HARS2: variants seen among roughly 807,000 people sequenced by gnomAD.
The protein encoded by HARS2 is histidyl-tRNA synthetase 2, mitochondrial.
HARS2 carries 40 observed loss-of-function variants against 62.4 expected under a neutral mutation model. The ratio of observed to expected loss-of-function variants is 0.64; its 90% CI spans 0.50 to 0.83. HARS2 has a LOEUF of 0.83. Ranked by LOEUF, HARS2 falls within the 40% of genes least tolerant of loss-of-function variation. The pLI is 0.00. For missense variants in HARS2, 569 were observed against 626.4 expected (o/e 0.91, Z 0.98); for synonymous variants, 228 against 227.0 (o/e 1.00, Z -0.04).
intron 1 of HARS2, chr5:140,692,247 A>G (rs565171131): frequency 4.5e-5 from 8 of 178,030 alleles, no homozygotes; most frequent in Non-Finnish European, 7.3e-5. Flanking sequence ...GTGTACTTGA[A>G]CTTGGACTTC....
intron 2 of HARS2, 64 bp downstream of exon 2, chr5:140,693,729 GTC>G: frequency 7.4e-7 from 1 of 1,352,508 alleles, no homozygotes; most frequent in Non-Finnish European, 1.1e-6. Flanking sequence ...TGCCTTGCAT[GTC>G]TCTCTGACCC....
At position 140,696,828 on chromosome 5, in the gene HARS2, C is replaced by CT. The variant is rs373912206; in HGVS notation, c.827-93dup. 92,512 of 638,848 alleles carry CT rather than the reference C, an allele frequency of 0.14. 3,151 individuals are homozygous for CT. Among genetic ancestry groups the CT allele is most frequent in the African/African-American group, 0.21 (9,160 of 42,840 alleles). 39.6% of individuals were successfully genotyped at this position (638,848 alleles called of 1,614,324 possible). ...GGGTCTTGTCATGTGAGACTGGGAT[C>CT]TTTTTTTTTTTTTTTTTTTTTTAAA... On this transcript the variant is annotated intron_variant, in intron 8 of 12. Transcript: ENST00000230771.
At position 140,693,238 on chromosome 5, in the gene HARS2, C is replaced by T. The variant is rs1054002674; in HGVS notation, c.109-353C>T. Among the ~76,000 whole-genome samples, 3 of 150,376 alleles carry T rather than the reference C, an allele frequency of 2.0e-5. No homozygotes were observed. In the Admixed American group the frequency reaches 2.0e-4, roughly 10 times the overall value. ...GTCCCAGCTACTCGGGAGGCTAAGG[C>T]AGGAGAATTGCTTGAACCAGGAGGC... On this transcript the variant is annotated intron_variant, in intron 1 of 12. Transcript: ENST00000230771.
chr5:140,695,515 T>A lies in HARS2; in HGVS notation c.407T>A (p.Phe136Tyr). Residue 136 changes from phenylalanine to tyrosine, a missense_variant, in exon 5 of 13, where the codon TTT becomes TAT. Phe to Tyr is a conservative substitution (Grantham distance 22). Transcript: ENST00000230771. ...LSLRYDLTVP[F>Y]ARYLAMNKVK... ...TTAACCCATTTATGTGAGGTTCCCT[T>A]TGCTCGTTATCTGGCCATGAATAAG... 1.2e-6 allele frequency: 2 copies of A among 1,614,148 alleles called. No homozygotes were observed. The highest frequency in any genetic ancestry group is 1.7e-6 in the Non-Finnish European group (2 of 1,179,994).
At chr5:140,696,344 G>T (rs1759740639) in intron 7 of HARS2, 143 bp downstream of exon 7, 2 of 801,940 alleles carry the variant, frequency 2.5e-6, no homozygotes, top group Non-Finnish European at 4.4e-6. Context: ...TCTGAAGGAA[G>T]ATCTGAGTCA....
intron 4 of HARS2, among the ~76,000 whole-genome samples, chr5:140,694,595 G>A (rs370593920): frequency 2.3e-4 from 35 of 152,156 alleles, no homozygotes; most frequent in East Asian, 5.8e-4. Context: ...GGCCAGACAC[G>A]TGGCTCACGC....
intron 12 of HARS2, 32 bp from the exon 13 acceptor site, chr5:140,698,461 G>C (rs1305485531): frequency 7.2e-6 from 11 of 1,530,350 alleles, no homozygotes; most frequent in Non-Finnish European, 9.1e-6. Context: ...TCACTTTCTA[G>C]TTTATCACAT....
rs536410329 is a variant in HARS2, at chr5:140,693,169, T to C, written c.109-422T>C. Among the ~76,000 whole-genome samples, 128 of 151,576 alleles carry C rather than the reference T, an allele frequency of 8.4e-4. 2 individuals carry two copies. The South Asian group carries it at 0.026, about 31-fold the overall frequency. On this transcript the variant is annotated intron_variant, in intron 1 of 12. Transcript: ENST00000230771. ...CAACATGGTGAAACCCCATCTCTAC[T>C]AAAAATACAAAAATTAGCTGGGCGT...
Position 140,695,513 on chromosome 5 carries a change from C to G in HARS2, c.405C>G (p.Pro135=). The G allele has an allele frequency of 6.2e-7, 1 of 1,614,076 alleles. No homozygotes were observed. Among genetic ancestry groups the G allele is most frequent in the South Asian group, 1.1e-5 (1 of 91,056 alleles). ...LLSLRYDLTV[P]FARYLAMNKV... ...CCTTAACCCATTTATGTGAGGTTCC[C>G]TTTGCTCGTTATCTGGCCATGAATA... is the stretch of plus-strand genomic sequence containing the variant. The change falls in exon 5 of 13, where the codon CCC becomes CCG. Residue 135 remains proline (P), a synonymous_variant. Coordinates refer to ENST00000230771, the MANE Select transcript of HARS2 (RefSeq NM_012208.4).
intron 9 of HARS2, 44 bp downstream of exon 9, chr5:140,697,114 C>T (rs549991192): frequency 6.2e-7 from 1 of 1,614,152 alleles, no homozygotes; most frequent in Admixed American, 1.7e-5. Context: ...CTCTAGGGCT[C>T]TCAGGGTCCC....
chr5:140,693,168 C>T lies in HARS2; in HGVS notation c.109-423C>T, dbSNP rs574742080. ...CCAACATGGTGAAACCCCATCTCTA[C>T]TAAAAATACAAAAATTAGCTGGGCG... is the stretch of plus-strand genomic sequence containing the variant. On this transcript the variant is annotated intron_variant, in intron 1 of 12. Transcript: ENST00000230771. Among the ~76,000 whole-genome samples the T allele has an allele frequency of 2.2e-3, 328 of 151,690 alleles. 1 individual carries two copies. Among genetic ancestry groups the T allele is most frequent in the Non-Finnish European group, 4.3e-3 (293 of 67,936 alleles).
Position 140,697,031 on chromosome 5 carries a change from GCT to G in HARS2, c.916_917del (p.Leu306IlefsTer2). Reference protein sequence around the residue: ...ALEGLGDLKLLFEYLTLFGIA... With the variant: ...ALEGLGDLKLXFEYLTLFGIA... ...TGGAGGGCCTGGGAGACCTAAAGCT[GCT>G]ATTTGAATACCTGACTTTATTTGGA... is the stretch of plus-strand genomic sequence containing the variant. On this transcript the variant is annotated frameshift_variant, in exon 9 of 13. Transcript: ENST00000230771. LOFTEE classifies it high-confidence loss of function. 6.2e-7 allele frequency: 1 copy of G among 1,614,120 alleles called. No homozygotes were observed. Among genetic ancestry groups the G allele is most frequent in the South Asian group, 1.1e-5 (1 of 91,072 alleles).
Position 140,699,004 on chromosome 5 carries a change from C to T in HARS2, c.*452C>T, listed in dbSNP as rs1759878371. 7.4e-6 allele frequency: 2 copies of T among 271,584 alleles called. No individual in the cohort carries two copies. Among genetic ancestry groups the T allele is most frequent in the South Asian group, 8.2e-5 (2 of 24,300 alleles). 16.8% of individuals were successfully genotyped at this position (271,584 alleles called of 1,614,324 possible). ...GCCTGTCTGGGGAGTTTTTGGAAGA[C>T]AGCAAAGAGGGGCAATGGCTGCTTT... On this transcript the variant is annotated 3_prime_UTR_variant, in exon 13 of 13. Transcript: ENST00000230771.
chr5:140,698,385 G>C (rs1292758198), intron 12 of HARS2, 108 bp from the exon 13 acceptor site: 1 of 896,176 alleles, frequency 1.1e-6, no homozygotes, highest in African/African-American at 1.6e-5. Context: ...CTTTCTGGTT[G>C]TATAAGTAAT....
intron 8 of HARS2, 107 bp from the exon 9 acceptor site, chr5:140,696,828 CTTTTTTTT>C (rs373912206): frequency 4.6e-6 from 3 of 656,006 alleles, no homozygotes; most frequent in South Asian, 3.5e-5. Flanking sequence ...AGACTGGGAT[CTTTTTTTT>C]TTTTTTTTTT....
Position 140,696,141 on chromosome 5 carries a change from C to G in HARS2, c.672C>G (p.Val224=), listed in dbSNP as rs781342919. Residue 224 remains valine (V), a synonymous_variant, in exon 7 of 13, where the codon GTC becomes GTG. Transcript: ENST00000230771. ...DRRIVDGMFA[V]CGVPESKFRA... ...GGATTGTGGATGGGATGTTTGCTGT[C>G]TGTGGTGTTCCTGAAAGCAAGTTCC... 53 of 1,613,856 alleles carry G rather than the reference C, an allele frequency of 3.3e-5. No individual in the cohort carries two copies. Among genetic ancestry groups the G allele is most frequent in the Non-Finnish European group, 4.3e-5 (51 of 1,179,960 alleles).
chr5:140,696,660 TG>T, intron 8 of HARS2, 46 bp downstream of exon 8: 1 of 1,271,968 alleles, frequency 7.9e-7, no homozygotes, highest in Non-Finnish European at 1.2e-6. Context: ...AGGCTGAAGG[TG>T]ACATGTGCTC....
chr5:140,696,243 T>C, intron 7 of HARS2, 42 bp downstream of exon 7: 1 of 1,339,920 alleles, frequency 7.5e-7, no homozygotes, highest in Non-Finnish European at 1.1e-6. Flanking sequence ...ATCTAGCTTC[T>C]GCCCTGCCCT....
Position 140,697,324 on chromosome 5 carries a change from A to G in HARS2, c.1115A>G (p.Asp372Gly), listed in dbSNP as rs771116996. 3 of 1,613,828 alleles carry G rather than the reference A, an allele frequency of 1.9e-6. No homozygotes were observed. In the South Asian group the frequency reaches 3.3e-5, roughly 18 times the overall value. The change falls in exon 10 of 13, where the codon GAC becomes GGC. Residue 372 changes from aspartate to glycine, a missense_variant. Physicochemically the swap from Asp to Gly is moderately conservative, Grantham distance 94. Transcript: ENST00000230771. ...TATGATGGGCTGGTGGGCATGTTTG[A>G]CCCCAAGGGCCACAAGGTGCCATGT... is the stretch of plus-strand genomic sequence containing the variant. ...GRYDGLVGMF[D>G]PKGHKVPCVG...
Sources: gnomAD v4.1 joint callset for allele counts (sites outside exome capture counted in the v4.1 genomes callset) on GRCh38, gnomAD v4.1.1 for gene constraint, MANE v1.5 for transcripts, NCBI Gene and HGNC (gene_info 2026-07-23, HGNC 2026-07-21) for gene names.